The following TLK2 variants were observed in gnomAD, a reference collection of about 807,000 sequenced individuals.
TLK2 encodes the protein tousled like kinase 2, also known as serine/threonine-protein kinase tousled-like 2.
In TLK2, 6 loss-of-function variants were observed where a neutral mutation model predicts 117.3. That is an observed-to-expected ratio of 0.05 (90% confidence interval 0.03 to 0.10). TLK2 has a LOEUF of 0.10. TLK2 is among the 10% of genes least tolerant of loss of function. TLK2 has a pLI of 1.00. For synonymous variants in TLK2, 257 were observed against 316.7 expected, an observed-to-expected ratio of 0.81 and a Z score of 2.00; for missense variants, 299 against 901.2, an observed-to-expected ratio of 0.33 and a Z score of 8.56.
Position 62,498,393 on chromosome 17 carries a change from T to C in TLK2, c.81+17187T>C, listed in dbSNP as rs866173702. 1.2e-3 allele frequency among the ~76,000 whole-genome samples: 177 copies of C among 143,968 alleles called. 1 individual carries two copies. Among genetic ancestry groups the C allele is most frequent in the Middle Eastern group, 0.011 (3 of 280 alleles). 94.4% of individuals were successfully genotyped at this position (143,968 alleles called of 152,430 possible). A position where few individuals can be genotyped will look rare whatever the true frequency, so the allele number is the denominator to read the frequency against. ...GATAGTGTCGTAGAAAGCCCCCCTTTTTTTTTTTTTTTTTGAGACAAAGTC... is the reference window on the plus strand; with the variant it reads ...GATAGTGTCGTAGAAAGCCCCCCTTCTTTTTTTTTTTTTTGAGACAAAGTC... On this transcript the variant is annotated intron_variant, in intron 2 of 21. Coordinates refer to ENST00000346027, the MANE Select transcript of TLK2 (RefSeq NM_006852.6).
intron 2 of TLK2, among the ~76,000 whole-genome samples, chr17:62,485,706 A>G (rs1356514007): frequency 6.6e-6 from 1 of 151,956 alleles, no homozygotes; most frequent in Non-Finnish European, 1.5e-5. Flanking sequence ...CCAAAAGTCT[A>G]TAGCAGGCTC....
intron 10 of TLK2, among the ~76,000 whole-genome samples, chr17:62,561,582 G>T (rs2079279845): frequency 1.3e-5 from 2 of 152,178 alleles, no homozygotes; most frequent in Admixed American, 6.5e-5. Flanking sequence ...AGAGGTTTGA[G>T]ATATACTGGA....
upstream of TLK2, among the ~76,000 whole-genome samples, chr17:62,474,674 C>G (rs1168071945): frequency 6.7e-6 from 1 of 150,044 alleles, no homozygotes; most frequent in East Asian, 2.0e-4. Flanking sequence ...TACCAAAGTG[C>G]TGGTATTACA....
At chr17:62,540,784 C>T (rs1304874784) in intron 7 of TLK2, among the ~76,000 whole-genome samples, 1 of 152,100 alleles carries the variant, frequency 6.6e-6, no homozygotes, top group Non-Finnish European at 1.5e-5. Flanking sequence ...TAACTGGACC[C>T]ATTGCTTTGA....
At chr17:62,540,400 ATTTTTT>A (rs534202077) in intron 7 of TLK2, among the ~76,000 whole-genome samples, 8 of 19,996 alleles carry the variant, frequency 4.0e-4, no homozygotes, top group South Asian at 0.028. Flanking sequence ...TATGTTCAGA[ATTTTTT>A]TTTTTTTTTT....
chr17:62,540,885 T>C (rs1289636026), intron 7 of TLK2, among the ~76,000 whole-genome samples: 1 of 152,220 alleles, frequency 6.6e-6, no homozygotes, highest in Non-Finnish European at 1.5e-5. Flanking sequence ...CGAAAAGTCC[T>C]TAAAGTGGCC....
chr17:62,583,170 C>T (rs1448865004), intron 15 of TLK2, among the ~76,000 whole-genome samples: 1 of 152,166 alleles, frequency 6.6e-6, no homozygotes, highest in African/African-American at 2.4e-5. Flanking sequence ...CGGCTCACTG[C>T]AACCTCCATC....
chr17:62,519,845 G>A (rs2075908318), intron 2 of TLK2, among the ~76,000 whole-genome samples: 1 of 152,040 alleles, frequency 6.6e-6, no homozygotes, highest in African/African-American at 2.4e-5. Flanking sequence ...TATGCCCTGG[G>A]TCTCTCCTAC....
intron 4 of TLK2, among the ~76,000 whole-genome samples, chr17:62,522,882 C>T (rs1312618821): frequency 6.6e-6 from 1 of 152,020 alleles, no homozygotes; most frequent in Non-Finnish European, 1.5e-5. Context: ...CAAAATTCTC[C>T]CAAAGTGACA....
chr17:62,518,706 CA>C (rs1308450526), intron 2 of TLK2, among the ~76,000 whole-genome samples: 16 of 126,488 alleles, frequency 1.3e-4, no homozygotes, highest in East Asian at 2.3e-4. Flanking sequence ...ACTCCGTCTC[CA>C]AAAAAAAAAG....
chr17:62,570,231 T>A (rs1409490099), intron 11 of TLK2, among the ~76,000 whole-genome samples: 1 of 152,208 alleles, frequency 6.6e-6, no homozygotes, highest in East Asian at 1.9e-4. Context: ...CCCATAATGG[T>A]GCAGAAGATT....
intron 2 of TLK2, among the ~76,000 whole-genome samples, chr17:62,506,572 A>C (rs767526229): frequency 1.1e-4 from 16 of 152,192 alleles, no homozygotes; most frequent in Admixed American, 2.0e-4. Flanking sequence ...AGAAGCCACA[A>C]AACTAAACTT....
At chr17:62,500,453 T>C (rs2074094963) in intron 2 of TLK2, among the ~76,000 whole-genome samples, 1 of 152,184 alleles carries the variant, frequency 6.6e-6, no homozygotes, top group Non-Finnish European at 1.5e-5. Flanking sequence ...CGGTCCTAAA[T>C]GTATATGCAT....
intron 2 of TLK2, among the ~76,000 whole-genome samples, chr17:62,505,443 C>T (rs867716744): frequency 1.7e-5 from 1 of 57,350 alleles, no homozygotes; most frequent in African/African-American, 6.7e-5. Context: ...TGGTAGAGAC[C>T]GGGTCTCACT....
At chr17:62,492,810 C>G (rs2073239908) in intron 2 of TLK2, among the ~76,000 whole-genome samples, 1 of 152,038 alleles carries the variant, frequency 6.6e-6, no homozygotes, top group Admixed American at 6.6e-5. Flanking sequence ...TAAATAATAA[C>G]TCCCAGGCCA....
chr17:62,533,559 C>A (rs2076906572), intron 6 of TLK2, among the ~76,000 whole-genome samples: 1 of 151,200 alleles, frequency 6.6e-6, no homozygotes, highest in Non-Finnish European at 1.5e-5. Flanking sequence ...TCACTGCAGC[C>A]TCTGCCTCCC....
At chr17:62,529,571 A>G (rs1567858201) in intron 6 of TLK2, among the ~76,000 whole-genome samples, 1 of 152,222 alleles carries the variant, frequency 6.6e-6, no homozygotes, top group South Asian at 2.1e-4. Context: ...TCTGATATTT[A>G]ATATATCCAA....
At position 62,536,170 on chromosome 17, in the gene TLK2, C is replaced by A; in HGVS notation, c.364C>A (p.Arg122=). Residue 122 remains arginine, a splice_region_variant and synonymous_variant, in exon 7 of 22, where the codon CGA becomes AGA. Coordinates refer to ENST00000346027, the MANE Select transcript of TLK2 (RefSeq NM_006852.6). The part of the protein sequence containing the change: ...PQHSLSNPLP[R]RVEQPLYGLD... ...TGTGTGTTTCTTTACTGTTTTCCAG[C>A]GACGAGTAGAACAGCCCCTCTATGG... is the stretch of plus-strand genomic sequence containing the variant. 1 of 1,609,366 alleles carries A rather than the reference C, an allele frequency of 6.2e-7. No individual in the cohort carries two copies. Among genetic ancestry groups the A allele is most frequent in the Admixed American group, 1.7e-5 (1 of 59,530 alleles).
intron 2 of TLK2, among the ~76,000 whole-genome samples, chr17:62,492,070 A>G (rs1211086978): frequency 6.6e-6 from 1 of 152,218 alleles, no homozygotes; most frequent in African/African-American, 2.4e-5. Context: ...TGAACTACAC[A>G]AAAAGAGGAA....
Sources: gnomAD v4.1 joint callset for allele counts (sites outside exome capture counted in the v4.1 genomes callset) on GRCh38, gnomAD v4.1.1 for gene constraint, MANE v1.5 for transcripts, NCBI Gene and HGNC (gene_info 2026-07-23, HGNC 2026-07-21) for gene names.